Variants in TIAM1 observed in about 807,000 individuals in gnomAD.
TIAM1 encodes TIAM Rac1 associated GEF 1, also known as rho guanine nucleotide exchange factor TIAM1.
Under a neutral mutation model 163.5 loss-of-function variants are expected in TIAM1, and 65 were observed. The observed-to-expected ratio is 0.40, with a 90% CI of 0.33 to 0.49. The LOEUF is 0.49. Among genes scored for constraint, TIAM1 ranks in the 20% least tolerant of loss-of-function variants. TIAM1 has a pLI of 0.77. For missense variants in TIAM1, 1,789 were observed against 2,044.7 expected (o/e 0.87, Z 2.41); for synonymous variants, 833 against 810.1 (o/e 1.03, Z -0.48).
intron 2 of TIAM1, among the ~76,000 whole-genome samples, chr21:31,389,303 C>T (rs1318174895): frequency 6.6e-6 from 1 of 152,130 alleles, no homozygotes; most frequent in African/African-American, 2.4e-5. Context: ...GCAACCTCCG[C>T]CTCCCGGGTC....
intron 2 of TIAM1, among the ~76,000 whole-genome samples, chr21:31,403,906 A>G (rs1489730093): frequency 6.6e-6 from 1 of 152,178 alleles, no homozygotes; most frequent in Non-Finnish European, 1.5e-5. Flanking sequence ...AGATAGTGAC[A>G]GAGGCTAATT....
At chr21:31,537,668 C>T (rs2048183066) in intron 1 of TIAM1, among the ~76,000 whole-genome samples, 1 of 151,914 alleles carries the variant, frequency 6.6e-6, no homozygotes, top group African/African-American at 2.4e-5. Flanking sequence ...ACAAGAATTG[C>T]TCGAACCTGG....
chr21:31,173,685 T>C (rs60359463), intron 15 of TIAM1, among the ~76,000 whole-genome samples: 133 of 152,336 alleles, frequency 8.7e-4, no homozygotes, highest in African/African-American at 3.1e-3. Flanking sequence ...CCATTAAAAC[T>C]GTAGATTTAA....
At chr21:31,305,962 C>T (rs754769431) in intron 2 of TIAM1, among the ~76,000 whole-genome samples, 7 of 152,118 alleles carry the variant, frequency 4.6e-5, no homozygotes, top group Non-Finnish European at 7.3e-5. Flanking sequence ...GGGGAGGAAC[C>T]GCCAGTGTCC....
At chr21:31,295,394 C>T (rs1414962774) in intron 2 of TIAM1, among the ~76,000 whole-genome samples, 5 of 142,164 alleles carry the variant, frequency 3.5e-5, no homozygotes, top group African/African-American at 5.3e-5. Flanking sequence ...GGCGTGAACC[C>T]AGGAGGCGGA....
chr21:31,259,160 G>T (rs1190688759), intron 4 of TIAM1, among the ~76,000 whole-genome samples: 3 of 150,940 alleles, frequency 2.0e-5, no homozygotes, highest in African/African-American at 7.3e-5. Flanking sequence ...TTGAGACAGG[G>T]TCTCATTCTG....
At chr21:31,253,769 T>C (rs1160173141) in intron 4 of TIAM1, among the ~76,000 whole-genome samples, 2 of 152,144 alleles carry the variant, frequency 1.3e-5, no homozygotes, top group Non-Finnish European at 2.9e-5. Context: ...CCCACAGCTT[T>C]GCTATCTGCT....
At chr21:31,550,798 T>A (rs1774240865) in intron 1 of TIAM1, among the ~76,000 whole-genome samples, 1 of 152,010 alleles carries the variant, frequency 6.6e-6, no homozygotes, top group Admixed American at 6.5e-5. Context: ...AAAGAGAAGA[T>A]CAGGACATCC....
intron 18 of TIAM1, 86 bp from the exon 19 acceptor site, chr21:31,152,847 C>A (rs1338907767): frequency 5.3e-6 from 8 of 1,505,974 alleles, no homozygotes; most frequent in Non-Finnish European, 7.1e-6. Flanking sequence ...GTTTTTCTAT[C>A]AATTCTTATC....
intron 1 of TIAM1, among the ~76,000 whole-genome samples, chr21:31,505,299 A>G (rs1047445096): frequency 1.3e-5 from 2 of 152,234 alleles, no homozygotes; most frequent in Admixed American, 6.5e-5. Flanking sequence ...TCTCTACAGG[A>G]GATATTATCA....
At chr21:31,296,856 G>C (rs1230182167) in intron 2 of TIAM1, among the ~76,000 whole-genome samples, 3 of 152,096 alleles carry the variant, frequency 2.0e-5, no homozygotes, top group Non-Finnish European at 4.4e-5. Context: ...GTAGAGATGG[G>C]GTTTCATCGT....
intron 2 of TIAM1, among the ~76,000 whole-genome samples, chr21:31,415,375 C>T (rs1177576721): frequency 6.6e-6 from 1 of 152,182 alleles, no homozygotes; most frequent in Non-Finnish European, 1.5e-5. Context: ...CCATTGAGTT[C>T]GCTAATGAAC....
At chr21:31,493,742 G>C (rs2046550768) in intron 1 of TIAM1, among the ~76,000 whole-genome samples, 1 of 152,158 alleles carries the variant, frequency 6.6e-6, no homozygotes, top group South Asian at 2.1e-4. Context: ...TCCAGCAGCA[G>C]CAGGTGACCT....
rs191108374 is a variant in TIAM1 at position 31,319,432 on chromosome 21, G to C, written c.-189+19811C>G. The stretch of plus-strand genomic sequence containing the variant: ...ATGTTCCCACCAACAATGCACAAGG[G>C]TTCGAATTTCTCCACATTCCTTCCA... On this transcript the variant is annotated intron_variant, in intron 2 of 27. Coordinates refer to ENST00000541036, the MANE Select transcript of TIAM1 (RefSeq NM_001353694.2). Among the ~76,000 whole-genome samples, 260 of 152,032 alleles carry C rather than the reference G, an allele frequency of 1.7e-3. 5 individuals are homozygous for C. In the South Asian group the frequency reaches 0.029, roughly 17 times the overall value.
At chr21:31,217,141 A>G (rs2087262447) in intron 9 of TIAM1, among the ~76,000 whole-genome samples, 1 of 151,502 alleles carries the variant, frequency 6.6e-6, no homozygotes, top group East Asian at 2.0e-4. Context: ...AGGGAGGTGG[A>G]GGTTGCAGTC....
intron 3 of TIAM1, among the ~76,000 whole-genome samples, chr21:31,275,950 G>A (rs1407915050): frequency 2.0e-5 from 3 of 152,178 alleles, no homozygotes; most frequent in African/African-American, 4.8e-5. Flanking sequence ...TAAAATAAAC[G>A]TAATCATTAC....
rs763027069 is a variant in TIAM1 at position 31,154,344 on chromosome 21, G to C, written c.3074C>G (p.Thr1025Arg). Reference sequence around the variant, plus strand: ...TCTCATGGTCGCCAGCTGAGGCCCCGTGGAGTCCTGAGGAGATGGGCTCTG... The same window carrying C: ...TCTCATGGTCGCCAGCTGAGGCCCCCTGGAGTCCTGAGGAGATGGGCTCTG... ...SDQSPSPQDS[T>R]GPQLATMRQL... The change falls in exon 17 of 28, where the codon ACG becomes AGG. Residue 1025 changes from threonine to arginine, a missense_variant. Physicochemically the swap from Thr to Arg is moderately conservative, Grantham distance 71 (BLOSUM62 -1). Coordinates refer to ENST00000541036, the MANE Select transcript of TIAM1 (RefSeq NM_001353694.2). 3.7e-6 allele frequency: 6 copies of C among 1,614,030 alleles called. No individual in the cohort carries two copies. The Admixed American group carries it at 6.7e-5, about 18-fold the overall frequency.
chr21:31,217,733 G>T (rs922684814), intron 8 of TIAM1, 34 bp from the exon 9 acceptor site: 2 of 1,607,618 alleles, frequency 1.2e-6, no homozygotes, highest in Non-Finnish European at 1.7e-6. Context: ...CCACAAGGGA[G>T]ATGCATCAGG....
chr21:31,210,585 A>AGAAAGAAAGAAG (rs1569031216), intron 10 of TIAM1, among the ~76,000 whole-genome samples: 5 of 121,000 alleles, frequency 4.1e-5, no homozygotes, highest in African/African-American at 2.1e-4. Flanking sequence ...AAAGAAAGAA[A>AGAAAGAAAGAAG]GAAAGAAAGA....
Sources: gnomAD v4.1 joint callset for allele counts (sites outside exome capture counted in the v4.1 genomes callset) on GRCh38, gnomAD v4.1.1 for gene constraint, MANE v1.5 for transcripts, NCBI Gene and HGNC (gene_info 2026-07-23, HGNC 2026-07-21) for gene names.